RIMS2: variants seen among roughly 807,000 people sequenced by gnomAD.
RIMS2 encodes regulating synaptic membrane exocytosis protein 2.
A neutral mutation model predicts 174.4 loss-of-function variants in RIMS2; 59 were observed. The ratio of observed to expected loss-of-function variants is 0.34; its 90% confidence interval spans 0.27 to 0.42. RIMS2 has a LOEUF of 0.42. Ranked by LOEUF, RIMS2 falls within the 10% of genes least tolerant of loss-of-function variation. The pLI is 1.00. For synonymous variants in RIMS2, 606 were observed against 572.5 expected (o/e 1.06, Z -0.84); for missense variants, 1,620 against 1,666.3 (o/e 0.97, Z 0.48).
At chr8:103,984,267 C>T (rs991608399) in intron 16 of RIMS2, among the ~76,000 whole-genome samples, 1 of 151,916 alleles carries the variant, frequency 6.6e-6, no homozygotes, top group Non-Finnish European at 1.5e-5. Context: ...ATACAACCCA[C>T]AGAATGGGAG....
intron 17 of RIMS2, among the ~76,000 whole-genome samples, chr8:103,990,514 T>A (rs1168375147): frequency 6.6e-6 from 1 of 152,074 alleles, no homozygotes; most frequent in African/African-American, 2.4e-5. Flanking sequence ...TTCATAGTAA[T>A]CTGTGTCTTT....
At chr8:103,637,304 C>T (rs1430903275) in intron 1 of RIMS2, among the ~76,000 whole-genome samples, 3 of 152,160 alleles carry the variant, frequency 2.0e-5, no homozygotes, top group Admixed American at 6.5e-5. Context: ...TTTAATTTCA[C>T]ACTAATGTGT....
chr8:104,084,458 T>G (rs1262412258), intron 19 of RIMS2, among the ~76,000 whole-genome samples: 2 of 91,588 alleles, frequency 2.2e-5, no homozygotes, highest in Non-Finnish European at 4.1e-5. Flanking sequence ...AAAAAAAAAC[T>G]AAAGTAGAAT....
chr8:104,019,132 A>T (rs1035505979), intron 19 of RIMS2, among the ~76,000 whole-genome samples: 3 of 152,160 alleles, frequency 2.0e-5, no homozygotes, highest in African/African-American at 7.2e-5. Flanking sequence ...TGGGAGGCAG[A>T]GGTTGCAGTG....
exon 23 of RIMS2, chr8:104,251,078 A>T: frequency 1.2e-6 from 2 of 1,613,728 alleles, no homozygotes; most frequent in Non-Finnish European, 1.7e-6. Context: ...GCCAAAAAGA[A>T]AACAAAAGTG....
intron 4 of RIMS2, among the ~76,000 whole-genome samples, chr8:103,909,057 A>G (rs914934733): frequency 6.6e-6 from 1 of 152,056 alleles, no homozygotes; most frequent in African/African-American, 2.4e-5. Flanking sequence ...ACATTACTTG[A>G]GGGGTGTTTG....
intron 1 of RIMS2, among the ~76,000 whole-genome samples, chr8:103,532,673 CT>C (rs1374250124): frequency 6.6e-6 from 1 of 152,210 alleles, no homozygotes; most frequent in Non-Finnish European, 1.5e-5. Flanking sequence ...ATGTGGCACA[CT>C]TGTGACCAAA....
chr8:103,778,857 A>T (rs938477081), intron 3 of RIMS2, among the ~76,000 whole-genome samples: 1 of 152,088 alleles, frequency 6.6e-6, no homozygotes, highest in African/African-American at 2.4e-5. Context: ...ATACTAATTT[A>T]TGTCCCCACC....
At chr8:104,253,278 T>G (rs1178210066), downstream of RIMS2, 1 of 152,140 alleles carries the variant, frequency 6.6e-6, no homozygotes, top group Non-Finnish European at 1.5e-5. Flanking sequence ...GTTTTGTTTG[T>G]TTTTTAATCA....
intron 1 of RIMS2, among the ~76,000 whole-genome samples, chr8:103,534,683 C>G (rs898633010): frequency 2.0e-5 from 3 of 152,178 alleles, no homozygotes; most frequent in Non-Finnish European, 4.4e-5. Flanking sequence ...GGAATACTAA[C>G]TTTGAATCCC....
intron 1 of RIMS2, among the ~76,000 whole-genome samples, chr8:103,538,996 A>T (rs1044685574): frequency 6.6e-6 from 1 of 152,196 alleles, no homozygotes; most frequent in Non-Finnish European, 1.5e-5. Context: ...TTCACCTTTT[A>T]TGCTTTGCAT....
chr8:104,142,957 G>T (rs1286957073), intron 19 of RIMS2, among the ~76,000 whole-genome samples: 1 of 152,070 alleles, frequency 6.6e-6, no homozygotes, highest in Non-Finnish European at 1.5e-5. Flanking sequence ...AGAAGTCAAA[G>T]AATTAGTATG....
rs1202701084 is a variant in RIMS2, at chr8:104,041,324, A to C, written c.3334+26709A>C. On this transcript the variant is annotated intron_variant, in intron 19 of 23. Transcript: ENST00000504942. ...TCTGTCCATTACACGATGTGATCAC[A>C]GAAGAACTGGACTCTACAAGGAGAA... The C allele has an allele frequency of 1.4e-6, 1 of 698,642 alleles. No homozygotes were observed. Among genetic ancestry groups the C allele is most frequent in the East Asian group, 2.6e-5 (1 of 38,372 alleles). The allele number at this position is 698,642 out of a possible 1,614,324, so 43.3% of individuals were successfully genotyped here.
intron 3 of RIMS2, among the ~76,000 whole-genome samples, chr8:103,805,248 G>C (rs999659665): frequency 6.6e-6 from 1 of 152,034 alleles, no homozygotes; most frequent in Non-Finnish European, 1.5e-5. Context: ...GAGTGAATTA[G>C]TCCCATGAAT....
intron 1 of RIMS2, among the ~76,000 whole-genome samples, chr8:103,605,572 A>G (rs878869819): frequency 6.6e-6 from 1 of 151,742 alleles, no homozygotes; most frequent in Admixed American, 6.5e-5. Flanking sequence ...TTCAGAAGGA[A>G]TGGTACCAGT....
At chr8:103,649,970 G>A (rs1311185329) in intron 1 of RIMS2, among the ~76,000 whole-genome samples, 1 of 152,114 alleles carries the variant, frequency 6.6e-6, no homozygotes, top group African/African-American at 2.4e-5. Flanking sequence ...TACTGGACAG[G>A]TGTTGTGGTC....
intron 19 of RIMS2, among the ~76,000 whole-genome samples, chr8:104,173,269 G>A (rs1430592962): frequency 6.6e-6 from 1 of 151,994 alleles, no homozygotes; most frequent in Non-Finnish European, 1.5e-5. Flanking sequence ...ACTTAATTCA[G>A]AATGCTATTG....
chr8:104,115,826 G>A (rs2098270168), intron 19 of RIMS2, among the ~76,000 whole-genome samples: 1 of 152,156 alleles, frequency 6.6e-6, no homozygotes, highest in Admixed American at 6.6e-5. Flanking sequence ...CCTTAAGCTA[G>A]TTATTGACAT....
rs575819746 is a variant in RIMS2 at position 104,044,527 on chromosome 8, A to G, written c.3334+29912A>G. Among the ~76,000 whole-genome samples the G allele has an allele frequency of 1.4e-3, 187 of 131,350 alleles. 2 individuals are homozygous for G. The South Asian group carries it at 0.023, about 16-fold the overall frequency. The allele number at this position is 131,350 out of a possible 152,430, so 86.2% of individuals were successfully genotyped here. A position where few individuals can be genotyped will look rare whatever the true frequency, so the allele number is the denominator to read the frequency against. On this transcript the variant is annotated intron_variant, in intron 19 of 23. Coordinates refer to ENST00000504942, the Ensembl canonical transcript of RIMS2. Reference sequence around the variant, plus strand: ...ATTAATAATGGAAGCAACTTTTCTTACAAAAAAAAAAATGGTATCTAGGAT... The same window carrying G: ...ATTAATAATGGAAGCAACTTTTCTTGCAAAAAAAAAAATGGTATCTAGGAT...
Sources: allele counts gnomAD v4.1 joint callset (sites outside exome capture counted in the v4.1 genomes callset), GRCh38; gene constraint gnomAD v4.1.1; transcripts MANE v1.5; gene names NCBI Gene and HGNC (gene_info 2026-07-23, HGNC 2026-07-21).